Variants in TRABD2A observed in about 807,000 individuals in gnomAD.
The protein encoded by TRABD2A is TraB domain containing 2A.
A neutral mutation model predicts 45.6 loss-of-function variants in TRABD2A; 43 were observed. The observed-to-expected ratio is 0.94, with a 90% CI of 0.74 to 1.22. TRABD2A has a LOEUF of 1.22. Ranked by LOEUF, TRABD2A falls within the 50% of genes most tolerant of loss-of-function variation. The pLI, the probability that TRABD2A is intolerant of heterozygous loss-of-function variation, is 0.00. For synonymous variants in TRABD2A, 269 were observed against 265.0 expected, an observed-to-expected ratio of 1.02 and a Z score of -0.15; for missense variants, 642 against 652.4, an observed-to-expected ratio of 0.98 and a Z score of 0.17.
intron 2 of TRABD2A, among the ~76,000 whole-genome samples, chr2:84,848,367 TAGATAGATAGACAGACAGAC>T (rs1423118862): frequency 4.4e-5 from 6 of 136,418 alleles, no homozygotes; most frequent in Admixed American, 7.1e-5. Context: ...GATAGATAGA[TAGATAGATAGACAGACAGAC>T]AGACAGACAG....
chr2:84,836,828 C>G (rs1681528702), intron 4 of TRABD2A: 1 of 151,896 alleles, frequency 6.6e-6, no homozygotes, highest in Non-Finnish European at 1.5e-5. Flanking sequence ...ACTGTTCAGC[C>G]CCCGTAGTGA....
chr2:84,841,761 A>T, intron 3 of TRABD2A, 100 bp downstream of exon 3: 1 of 1,271,012 alleles, frequency 7.9e-7, no homozygotes, highest in African/African-American at 1.5e-5. Flanking sequence ...AGCCCTCATG[A>T]CCTCAATCCT....
chr2:84,843,252 C>T (rs979161099), intron 2 of TRABD2A, among the ~76,000 whole-genome samples: 1 of 152,118 alleles, frequency 6.6e-6, no homozygotes, highest in South Asian at 2.1e-4. Flanking sequence ...TCACTCTTTG[C>T]TGCAATACAG....
At chr2:84,855,927 A>G (rs2105394992) in intron 2 of TRABD2A, among the ~76,000 whole-genome samples, 1 of 152,106 alleles carries the variant, frequency 6.6e-6, no homozygotes, top group East Asian at 1.9e-4. Context: ...CAGCACTTTC[A>G]TTCCCCTCAG....
chr2:84,872,011 C>G (rs923211494), intron 1 of TRABD2A, among the ~76,000 whole-genome samples: 3 of 152,128 alleles, frequency 2.0e-5, no homozygotes, highest in Admixed American at 6.6e-5. Flanking sequence ...GGTGCATGTT[C>G]GTCTGAAGCC....
intron 1 of TRABD2A, among the ~76,000 whole-genome samples, chr2:84,880,042 C>T (rs1461579393): frequency 7.0e-6 from 1 of 143,348 alleles, no homozygotes; most frequent in Admixed American, 7.0e-5. Flanking sequence ...ATAAGCCTGG[C>T]ATGGCCCTCT....
chr2:84,862,534 G>A (rs1211600346), intron 2 of TRABD2A, among the ~76,000 whole-genome samples: 1 of 152,146 alleles, frequency 6.6e-6, no homozygotes, highest in East Asian at 1.9e-4. Flanking sequence ...GTCAGACACA[G>A]CCACAACATG....
chr2:84,856,554 G>A (rs890616), intron 2 of TRABD2A, among the ~76,000 whole-genome samples: 3,921 of 152,192 alleles, frequency 0.026, 82 homozygotes, highest in South Asian at 0.054. Flanking sequence ...GCATAAGGAC[G>A]AGATAAACTG....
At position 84,870,570 on chromosome 2, in the gene TRABD2A, G is replaced by A. The variant is rs61739498; in HGVS notation, c.324C>T (p.Gly108=). 2.4e-5 allele frequency: 38 copies of A among 1,613,688 alleles called. No individual in the cohort carries two copies. Among genetic ancestry groups the A allele is most frequent in the African/African-American group, 2.3e-4 (17 of 75,034 alleles). The change falls in exon 2 of 7, where the codon GGC becomes GGT. Residue 108 remains glycine (G), a synonymous_variant. Coordinates refer to ENST00000409520, the MANE Select transcript of TRABD2A (RefSeq NM_001277053.2). ...ALTSCQMLPQ[G]ENLQDVLPRD... Reference sequence around the variant, plus strand: ...TGGGGAGCACATCTTGGAGGTTCTCGCCCTGTGGCAGCATCTGACAGCTGG... The same window carrying A: ...TGGGGAGCACATCTTGGAGGTTCTCACCCTGTGGCAGCATCTGACAGCTGG...
At chr2:84,845,942 AAGG>A (rs1681881174) in intron 2 of TRABD2A, among the ~76,000 whole-genome samples, 1 of 152,168 alleles carries the variant, frequency 6.6e-6, no homozygotes, top group South Asian at 2.1e-4. Flanking sequence ...GATGGGTGGA[AAGG>A]AGGTCTAGTG....
chr2:84,834,723 T>C (rs1298540471), intron 4 of TRABD2A: 3 of 148,170 alleles, frequency 2.0e-5, no homozygotes, highest in African/African-American at 7.8e-5. Context: ...TCAGTACCTC[T>C]TTCCTTTTTA....
rs1681726351 is a variant in TRABD2A, at chr2:84,841,942, G to T, written c.735C>A (p.Ile245=). ...TGATGAGATCCTCCGTCGTGTAGGG[G>T]ATCTGAAGACTGCCTGCTCGCAGGC... ...QESLRAGSLQ[I]PYTTEDLIKH... Residue 245 remains isoleucine, a synonymous_variant, in exon 3 of 7, where the codon ATC becomes ATA. Coordinates refer to ENST00000409520, the MANE Select transcript of TRABD2A (RefSeq NM_001277053.2). 1 of 1,546,408 alleles carries T rather than the reference G, an allele frequency of 6.5e-7. No homozygotes were observed. The highest frequency in any genetic ancestry group is 8.7e-7 in the Non-Finnish European group (1 of 1,145,410).
intron 1 of TRABD2A, among the ~76,000 whole-genome samples, chr2:84,880,242 C>T (rs1356088261): frequency 1.3e-5 from 2 of 152,198 alleles, no homozygotes; most frequent in Non-Finnish European, 2.9e-5. Context: ...CGCTATAGAG[C>T]TGTGTTGACT....
At chr2:84,840,082 A>G (rs995666107) in intron 3 of TRABD2A, among the ~76,000 whole-genome samples, 6 of 151,834 alleles carry the variant, frequency 4.0e-5, no homozygotes, top group African/African-American at 1.2e-4. Flanking sequence ...GGACTTAACA[A>G]TGTTACCCAT....
intron 4 of TRABD2A, chr2:84,836,893 T>G (rs887985823): frequency 6.6e-6 from 1 of 152,080 alleles, no homozygotes; most frequent in Non-Finnish European, 1.5e-5. Flanking sequence ...TTGGTTCTTT[T>G]AAAATAATTT....
chr2:84,858,254 C>G (rs912512975), intron 2 of TRABD2A, among the ~76,000 whole-genome samples: 1 of 152,120 alleles, frequency 6.6e-6, no homozygotes, highest in Admixed American at 6.5e-5. Flanking sequence ...CAGCCCCACA[C>G]TCTAGCTCCC....
At chr2:84,836,320 A>C (rs1021243073) in intron 4 of TRABD2A, 1 of 152,212 alleles carries the variant, frequency 6.6e-6, no homozygotes, top group Admixed American at 6.5e-5. Context: ...TTTTTGCTGG[A>C]TGTGGAAATG....
chr2:84,835,671 C>A (rs1681482326), intron 4 of TRABD2A, among the ~76,000 whole-genome samples: 1 of 152,178 alleles, frequency 6.6e-6, no homozygotes. Flanking sequence ...CCTGCCATGG[C>A]CTCCCAAGGT....
chr2:84,835,656 A>G (rs143211610), intron 4 of TRABD2A, among the ~76,000 whole-genome samples: 1,548 of 152,248 alleles, frequency 0.01, 29 homozygotes, highest in African/African-American at 0.035. Context: ...AGCTCAAGTG[A>G]TCCTCCTGCC....
Sources: gnomAD v4.1 joint callset for allele counts (sites outside exome capture counted in the v4.1 genomes callset) on GRCh38, gnomAD v4.1.1 for gene constraint, MANE v1.5 for transcripts, NCBI Gene and HGNC (gene_info 2026-07-23, HGNC 2026-07-21) for gene names.